The following FRMD5 variants were observed in gnomAD, a reference collection of about 807,000 sequenced individuals.
FRMD5 encodes the protein FERM domain-containing protein 5.
FRMD5 carries 20 observed loss-of-function variants against 69.0 expected under a neutral mutation model. That is an observed-to-expected ratio of 0.29 (90% CI 0.20 to 0.42). The LOEUF (loss-of-function observed/expected upper bound fraction) is 0.42. Ranked by LOEUF, FRMD5 falls within the 10% of genes least tolerant of loss-of-function variation. The probability of loss-of-function intolerance (pLI) is 1.00; values close to 1 mark genes in which losing one functional copy is unlikely to be tolerated. For synonymous variants in FRMD5, 271 were observed against 260.1 expected (o/e 1.04, Z -0.40); for missense variants, 595 against 708.6 (o/e 0.84, Z 1.82).
intron 1 of FRMD5, chr15:43,989,736 C>T: frequency 9.9e-7 from 1 of 1,014,640 alleles, no homozygotes; most frequent in Admixed American, 1.7e-5. Flanking sequence ...ATCACGATGT[C>T]AGTGGTAGGC....
At chr15:43,988,124 T>G (rs1191634432) in intron 1 of FRMD5, among the ~76,000 whole-genome samples, 1 of 152,160 alleles carries the variant, frequency 6.6e-6, no homozygotes. Context: ...ATACAAGTGA[T>G]GGGGAGCGGC....
intron 1 of FRMD5, among the ~76,000 whole-genome samples, chr15:44,059,471 C>T (rs2140373774): frequency 6.6e-6 from 1 of 152,260 alleles, no homozygotes; most frequent in Non-Finnish European, 1.5e-5. Flanking sequence ...TTATTCTACT[C>T]TTATTTAAAA....
chr15:44,034,120 T>C (rs188923206), intron 1 of FRMD5, among the ~76,000 whole-genome samples: 1 of 152,294 alleles, frequency 6.6e-6, no homozygotes, highest in East Asian at 1.9e-4. Flanking sequence ...GTTACTCTTG[T>C]TTCCTTGGCA....
chr15:44,066,702 A>AC (rs1893326231), intron 1 of FRMD5, among the ~76,000 whole-genome samples: 1 of 152,156 alleles, frequency 6.6e-6, no homozygotes, highest in Admixed American at 6.5e-5. Context: ...GGTGATAAGA[A>AC]CTTTACTTTG....
intron 1 of FRMD5, among the ~76,000 whole-genome samples, chr15:44,138,124 A>C (rs1164291092): frequency 6.6e-6 from 1 of 152,198 alleles, no homozygotes; most frequent in East Asian, 1.9e-4. Context: ...CATTCGAGTT[A>C]AGCTTTCAAG....
Position 43,874,431 on chromosome 15 carries a change from G to A in FRMD5, c.1167C>T (p.Ser389=), listed in dbSNP as rs2088267486. ...GLESLRDSAH[S]TPVRSTSHGD... ...CATGGGAAGTGGAACGCACTGGTGT[G>A]GAATGGGCACTGTCCCGTAAGGACT... The change falls in exon 14 of 14, where the codon TCC becomes TCT. Residue 389 remains serine (S), a synonymous_variant. Coordinates refer to ENST00000417257, the MANE Select transcript of FRMD5 (RefSeq NM_032892.5). 1 of 1,614,198 alleles carries A rather than the reference G, an allele frequency of 6.2e-7. No individual in the cohort carries two copies. The highest frequency in any genetic ancestry group is 8.5e-7 in the Non-Finnish European group (1 of 1,180,038).
At chr15:44,161,834 T>C (rs1413516565) in intron 1 of FRMD5, among the ~76,000 whole-genome samples, 2 of 152,218 alleles carry the variant, frequency 1.3e-5, no homozygotes, top group African/African-American at 4.8e-5. Context: ...TCACAGGAAA[T>C]TGAATTCAGC....
At chr15:44,144,222 G>A (rs2077319887) in intron 1 of FRMD5, among the ~76,000 whole-genome samples, 1 of 151,950 alleles carries the variant, frequency 6.6e-6, no homozygotes, top group Non-Finnish European at 1.5e-5. Flanking sequence ...TGTAAGTTGA[G>A]GATATCTATA....
At chr15:44,152,505 G>A (rs944686986) in intron 1 of FRMD5, among the ~76,000 whole-genome samples, 46 of 152,258 alleles carry the variant, frequency 3.0e-4, no homozygotes, top group African/African-American at 1.0e-3. Context: ...CAGAATAAGC[G>A]TATGTTTAAT....
intron 1 of FRMD5, among the ~76,000 whole-genome samples, chr15:44,086,390 T>G (rs945515297): frequency 6.6e-6 from 1 of 152,210 alleles, no homozygotes; most frequent in Non-Finnish European, 1.5e-5. Flanking sequence ...TAAAAAGGAA[T>G]AAAGTATTAA....
rs576557809 is a variant in FRMD5 at position 43,873,041 on chromosome 15, C to T, written c.*844G>A. On this transcript the variant is annotated 3_prime_UTR_variant, in exon 14 of 14. Coordinates refer to ENST00000417257, the MANE Select transcript of FRMD5 (RefSeq NM_032892.5). Reference sequence around the variant, plus strand: ...TATCTATCTCTGGTACCACTGAATTCGTTTAACGCCCCTGGAGCACTATAA... The same window carrying T: ...TATCTATCTCTGGTACCACTGAATTTGTTTAACGCCCCTGGAGCACTATAA... 75 of 728,214 alleles carry T rather than the reference C, an allele frequency of 1.0e-4. No homozygotes were observed. In the Admixed American group the frequency reaches 1.1e-3, roughly 11 times the overall value. 45.1% of individuals were successfully genotyped at this position (728,214 alleles called of 1,614,324 possible).
intron 13 of FRMD5, among the ~76,000 whole-genome samples, chr15:43,877,485 G>A (rs1437967009): frequency 6.6e-6 from 1 of 152,200 alleles, no homozygotes. Context: ...GACCAGCCTT[G>A]TGGAGCCTGT....
In FRMD5 at chr15:44,107,910, A is replaced by T. The variant is rs141104226; in HGVS notation, c.102+87043T>A. Among the ~76,000 whole-genome samples the T allele has an allele frequency of 7.2e-3, 1,102 of 152,284 alleles. 14 individuals carry two copies. The highest frequency in any genetic ancestry group is 0.025 in the African/African-American group (1,059 of 41,550). ...CACAGAAATATGACAATTAATTCTC[A>T]ATTTCCATATGCCTTTGGTCCTTTC... is the stretch of plus-strand genomic sequence containing the variant. On this transcript the variant is annotated intron_variant, in intron 1 of 13. Transcript: ENST00000417257.
intron 1 of FRMD5, among the ~76,000 whole-genome samples, chr15:43,931,745 G>A (rs2089679986): frequency 6.6e-6 from 1 of 152,132 alleles, no homozygotes; most frequent in Non-Finnish European, 1.5e-5. Flanking sequence ...CAAAAAAATT[G>A]TTTACTGGCC....
intron 1 of FRMD5, among the ~76,000 whole-genome samples, chr15:44,160,166 C>T (rs984878805): frequency 6.6e-6 from 1 of 152,160 alleles, no homozygotes; most frequent in Non-Finnish European, 1.5e-5. Context: ...CCAGCCTGGC[C>T]AACATGGTTA....
chr15:44,008,333 A>G (rs1890555307), intron 1 of FRMD5, among the ~76,000 whole-genome samples: 1 of 151,886 alleles, frequency 6.6e-6, no homozygotes, highest in Non-Finnish European at 1.5e-5. Context: ...GCACCATCTC[A>G]GCTCACTGCA....
At chr15:44,192,078 C>G (rs76673503) in intron 1 of FRMD5, among the ~76,000 whole-genome samples, 73 of 151,940 alleles carry the variant, frequency 4.8e-4, no homozygotes, top group Middle Eastern at 6.8e-3. Flanking sequence ...CTACAACCCT[C>G]CTATGTATAC....
intron 1 of FRMD5, among the ~76,000 whole-genome samples, chr15:44,165,705 T>C (rs1215344231): frequency 6.6e-6 from 1 of 151,920 alleles, no homozygotes; most frequent in Non-Finnish European, 1.5e-5. Flanking sequence ...GTGGGTGGCA[T>C]GTGCCTGTAG....
intron 12 of FRMD5, 60 bp from the exon 13 acceptor site, chr15:43,883,869 T>A: frequency 7.9e-7 from 1 of 1,266,140 alleles, no homozygotes; most frequent in Non-Finnish European, 1.2e-6. Flanking sequence ...GGTAGGCACT[T>A]AAGAATTGAG....
Sources: allele counts gnomAD v4.1 joint callset (sites outside exome capture counted in the v4.1 genomes callset), GRCh38; gene constraint gnomAD v4.1.1; transcripts MANE v1.5; gene names NCBI Gene and HGNC (gene_info 2026-07-23, HGNC 2026-07-21).